SOS1: variants seen among roughly 807,000 people sequenced by gnomAD.
The protein encoded by SOS1 is son of sevenless homolog 1.
Under a neutral mutation model 157.6 loss-of-function variants are expected in SOS1, and 25 were observed. The observed-to-expected ratio is 0.16, with a 90% CI of 0.12 to 0.22. SOS1 has a LOEUF of 0.22. Among genes scored for constraint, SOS1 ranks in the 10% least tolerant of loss-of-function variants. SOS1 has a pLI of 1.00. For synonymous variants in SOS1, 528 were observed against 534.0 expected (o/e 0.99, Z 0.16); for missense variants, 1,237 against 1,599.1 (o/e 0.77, Z 3.86).
intron 14 of SOS1, among the ~76,000 whole-genome samples, chr2:39,011,082 A>G (rs1273820835): frequency 6.6e-6 from 1 of 151,994 alleles, no homozygotes; most frequent in Non-Finnish European, 1.5e-5. Context: ...TTTTTAGTAG[A>G]GACAAGGTTT....
intron 2 of SOS1, among the ~76,000 whole-genome samples, chr2:39,066,090 C>A (rs1326493231): frequency 6.6e-6 from 1 of 152,160 alleles, no homozygotes; most frequent in Non-Finnish European, 1.5e-5. Flanking sequence ...AATCCCTCAG[C>A]CTTCAGGGTA....
intron 15 of SOS1, among the ~76,000 whole-genome samples, chr2:39,009,132 G>T (rs1018930545): frequency 6.6e-6 from 1 of 151,892 alleles, no homozygotes; most frequent in Non-Finnish European, 1.5e-5. Context: ...AATGTGCATC[G>T]AAGAGAGGAT....
chr2:39,044,288 G>A, intron 6 of SOS1, among the ~76,000 whole-genome samples: 1 of 152,160 alleles, frequency 6.6e-6, no homozygotes, highest in African/African-American at 2.4e-5. Context: ...GGAGGCGGAG[G>A]TTGCAGTGAG....
intron 19 of SOS1, among the ~76,000 whole-genome samples, chr2:38,996,400 T>G (rs561722446): frequency 1.3e-5 from 2 of 152,308 alleles, no homozygotes; most frequent in South Asian, 4.1e-4. Flanking sequence ...GACTTTTGAC[T>G]TTTTTATGAA....
chr2:38,996,666 T>A (rs1191728001), intron 19 of SOS1, among the ~76,000 whole-genome samples: 5 of 152,182 alleles, frequency 3.3e-5, no homozygotes, highest in African/African-American at 1.2e-4. Flanking sequence ...AATCTTAACA[T>A]TTTTTGGGGT....
rs908536285 is a variant in SOS1 at position 39,074,013 on chromosome 2, G to A, written c.88-6260C>T. Among the ~76,000 whole-genome samples, 3 of 152,112 alleles carry A rather than the reference G, an allele frequency of 2.0e-5. 1 individual carries two copies. Among genetic ancestry groups the A allele is most frequent in the African/African-American group, 7.2e-5 (3 of 41,434 alleles). ...TGCTTTAGGTGCTTATCACTCTGAG[G>A]TTAAAAAACAAGGCAAAAATCTTTC... On this transcript the variant is annotated intron_variant, in intron 1 of 22. Coordinates refer to ENST00000402219, the MANE Select transcript of SOS1 (RefSeq NM_005633.4).
At chr2:39,046,095 T>C (rs2124586140) in intron 6 of SOS1, among the ~76,000 whole-genome samples, 1 of 152,352 alleles carries the variant, frequency 6.6e-6, no homozygotes, top group East Asian at 1.9e-4. Flanking sequence ...GAGTTACTAA[T>C]GTAGTTGGAT....
intron 6 of SOS1, among the ~76,000 whole-genome samples, chr2:39,049,047 A>G (rs1343623231): frequency 6.6e-6 from 1 of 152,010 alleles, no homozygotes; most frequent in African/African-American, 2.4e-5. Context: ...CGTCCCGAGT[A>G]GCTGGGATTA....
At chr2:39,113,710 C>T (rs1458935651) in intron 1 of SOS1, among the ~76,000 whole-genome samples, 1 of 152,146 alleles carries the variant, frequency 6.6e-6, no homozygotes, top group African/African-American at 2.4e-5. Context: ...ATCTCCCAAA[C>T]AGTTCAAGGC....
At chr2:39,069,568 G>C (rs1671727777) in intron 1 of SOS1, among the ~76,000 whole-genome samples, 2 of 151,896 alleles carry the variant, frequency 1.3e-5, no homozygotes, top group Non-Finnish European at 2.9e-5. Flanking sequence ...ATTTTTTTGA[G>C]ACAGGGTCTC....
intron 1 of SOS1, among the ~76,000 whole-genome samples, chr2:39,104,757 T>A (rs1370369331): frequency 2.6e-5 from 4 of 152,230 alleles, no homozygotes; most frequent in African/African-American, 9.6e-5. Flanking sequence ...TTCTGGTACA[T>A]ACTGCAACAC....
chr2:39,038,505 G>C (rs1016443001), intron 6 of SOS1, among the ~76,000 whole-genome samples: 13 of 151,888 alleles, frequency 8.6e-5, no homozygotes, highest in African/African-American at 3.1e-4. Context: ...GGAGGCCAAG[G>C]CAGGCAGATC....
At chr2:39,099,735 A>G (rs754891908) in intron 1 of SOS1, among the ~76,000 whole-genome samples, 2 of 152,132 alleles carry the variant, frequency 1.3e-5, no homozygotes, top group Non-Finnish European at 2.9e-5. Flanking sequence ...TTTACAAACC[A>G]TATATCTTTT....
intron 15 of SOS1, among the ~76,000 whole-genome samples, chr2:39,010,137 G>A (rs994519738): frequency 7.9e-5 from 12 of 152,006 alleles, no homozygotes; most frequent in African/African-American, 2.9e-4. Flanking sequence ...CCAATGTGAT[G>A]AAACCCCATC....
intron 10 of SOS1, among the ~76,000 whole-genome samples, chr2:39,019,357 A>G (rs1238834544): frequency 1.3e-5 from 2 of 151,762 alleles, no homozygotes; most frequent in Admixed American, 6.6e-5. Context: ...TTTGTTGCCT[A>G]CAACAACTCT....
At chr2:39,120,119 C>T (rs560912772) in intron 1 of SOS1, among the ~76,000 whole-genome samples, 1 of 152,286 alleles carries the variant, frequency 6.6e-6, no homozygotes, top group South Asian at 2.1e-4. Flanking sequence ...TCCGGATAAA[C>T]TCCCCCCGGC....
chr2:39,065,854 A>G (rs7581411), intron 2 of SOS1, among the ~76,000 whole-genome samples: 5,806 of 152,308 alleles, frequency 0.038, 335 homozygotes, highest in African/African-American at 0.12. Flanking sequence ...AACAACAACA[A>G]CAAAAATTCC....
chr2:39,113,339 T>C (rs1673510900), intron 1 of SOS1, among the ~76,000 whole-genome samples: 1 of 150,594 alleles, frequency 6.6e-6, no homozygotes. Context: ...TACAGGCATG[T>C]ACCACCATAC....
At chr2:39,080,848 C>G (rs571921159) in intron 1 of SOS1, among the ~76,000 whole-genome samples, 1 of 151,928 alleles carries the variant, frequency 6.6e-6, no homozygotes. Flanking sequence ...CATTTAAAAA[C>G]TTGGAAGAAT....
Sources: gnomAD v4.1 joint callset for allele counts (sites outside exome capture counted in the v4.1 genomes callset) on GRCh38, gnomAD v4.1.1 for gene constraint, MANE v1.5 for transcripts, NCBI Gene and HGNC (gene_info 2026-07-23, HGNC 2026-07-21) for gene names.